Variants in ERMP1 observed in about 807,000 individuals in gnomAD.
ERMP1 encodes the protein Felix-ina.
In ERMP1, 86 loss-of-function variants were observed where a neutral mutation model predicts 92.0. The observed-to-expected ratio is 0.93, with a 90% confidence interval of 0.79 to 1.12. The LOEUF (loss-of-function observed/expected upper bound fraction) is 1.12. Ranked by LOEUF, ERMP1 falls within the 50% of genes most tolerant of loss-of-function variation. ERMP1 has a pLI of 0.00. For synonymous variants in ERMP1, 530 were observed against 412.8 expected (o/e 1.28, Z -3.44); for missense variants, 1,342 against 1,116.3 (o/e 1.20, Z -2.88).
intron 2 of ERMP1, among the ~76,000 whole-genome samples, chr9:5,829,562 A>G (rs1829861046): frequency 1.3e-5 from 2 of 152,222 alleles, no homozygotes; most frequent in African/African-American, 4.8e-5. Flanking sequence ...TTAATCCTCC[A>G]AGCAACACTA....
intron 13 of ERMP1, among the ~76,000 whole-genome samples, chr9:5,793,086 G>C (rs928470230): frequency 6.6e-6 from 1 of 152,104 alleles, no homozygotes; most frequent in Admixed American, 6.5e-5. Context: ...CTGCATATGT[G>C]CACACACGCT....
intron 9 of ERMP1, 71 bp from the exon 10 acceptor site, chr9:5,805,288 G>T: frequency 8.5e-7 from 1 of 1,172,846 alleles, no homozygotes; most frequent in Non-Finnish European, 1.2e-6. Context: ...TATAGTACTG[G>T]TGTGCCTTGG....
chr9:5,823,475 A>G (rs975746657), intron 4 of ERMP1, among the ~76,000 whole-genome samples: 4 of 152,188 alleles, frequency 2.6e-5, no homozygotes, highest in South Asian at 4.1e-4. Flanking sequence ...CACTACCTAT[A>G]TAACAATCCA....
chr9:5,807,029 A>G (rs540109724), intron 8 of ERMP1, among the ~76,000 whole-genome samples: 1 of 152,150 alleles, frequency 6.6e-6, no homozygotes, highest in Non-Finnish European at 1.5e-5. Flanking sequence ...AAATAAGAAA[A>G]TTATTATTAT....
intron 4 of ERMP1, among the ~76,000 whole-genome samples, chr9:5,821,728 G>A (rs1829543476): frequency 6.6e-6 from 1 of 152,188 alleles, no homozygotes; most frequent in Admixed American, 6.5e-5. Context: ...GAGCAGTATA[G>A]GGGCAAGGTG....
intron 6 of ERMP1, among the ~76,000 whole-genome samples, chr9:5,844,911 G>T (rs571117713): frequency 1.3e-5 from 2 of 152,150 alleles, no homozygotes; most frequent in Non-Finnish European, 2.9e-5. Flanking sequence ...AAAAATTATG[G>T]CTGCTTTGAG....
chr9:5,804,784 G>C (rs1457743073), intron 10 of ERMP1, among the ~76,000 whole-genome samples: 1 of 151,986 alleles, frequency 6.6e-6, no homozygotes, highest in African/African-American at 2.4e-5. Context: ...TATTTGAAAA[G>C]AGGTAAATCA....
rs949737900 is a variant in ERMP1 at position 5,805,598 on chromosome 9, A to C, written c.1723+13T>G. On this transcript the variant is annotated intron_variant, in intron 9 of 14. Transcript: ENST00000339450. The stretch of plus-strand genomic sequence containing the variant: ...GTATTCTCCCATGTATATCAAAATC[A>C]AAAATACCCTACCATGCTGCTTGAA... The C allele has an allele frequency of 6.4e-7, 1 of 1,551,044 alleles. No individual in the cohort carries two copies. The highest frequency in any genetic ancestry group is 8.6e-7 in the Non-Finnish European group (1 of 1,157,564).
At chr9:5,832,618 T>G (rs987907517) in intron 1 of ERMP1, 72 bp downstream of exon 1, 2 of 1,218,662 alleles carry the variant, frequency 1.6e-6, no homozygotes, top group Non-Finnish European at 1.1e-6. Flanking sequence ...TGCACACAGG[T>G]GCGGTGCCCC....
intron 11 of ERMP1, among the ~76,000 whole-genome samples, chr9:5,800,216 G>A (rs2131217229): frequency 6.6e-6 from 1 of 152,278 alleles, no homozygotes; most frequent in South Asian, 2.1e-4. Flanking sequence ...ATGAGAAAGG[G>A]ATGGGTATAA....
chr9:5,864,895 T>G (rs746823680), intron 5 of ERMP1, among the ~76,000 whole-genome samples: 20 of 152,302 alleles, frequency 1.3e-4, no homozygotes, highest in African/African-American at 3.8e-4. Flanking sequence ...ACACCTTTTC[T>G]GCAAGATAAC....
intron 1 of ERMP1, among the ~76,000 whole-genome samples, chr9:5,831,405 A>C (rs112595744): frequency 6.6e-6 from 1 of 152,172 alleles, no homozygotes; most frequent in Admixed American, 6.5e-5. Flanking sequence ...CAGGAGTTTG[A>C]GACCAGCCTG....
At position 5,786,906 on chromosome 9, in the gene ERMP1, C is replaced by G. The variant is rs1304272501; in HGVS notation, c.*238G>C. The G allele has an allele frequency of 8.0e-6, 3 of 373,520 alleles. No homozygotes were observed. Among genetic ancestry groups the G allele is most frequent in the Non-Finnish European group, 1.5e-5 (3 of 205,834 alleles). The allele number at this position is 373,520 out of a possible 1,614,324, so 23.1% of individuals were successfully genotyped here. On this transcript the variant is annotated 3_prime_UTR_variant, in exon 15 of 15. Coordinates refer to ENST00000339450, the MANE Select transcript of ERMP1 (RefSeq NM_024896.3). ...AAATGACGTGTGTGTAGTGGCAGTA[C>G]CCACATGTGCTGAAGTGCCAAAAGA...
At position 5,855,397 on chromosome 9, in the gene ERMP1, T is replaced by G. The variant is rs193021801; in HGVS notation, n.3199+4071A>C. On this transcript the variant is annotated intron_variant and non_coding_transcript_variant, in intron 6 of 6. Transcript: ENST00000690753. The stretch of plus-strand genomic sequence containing the variant: ...GGGAGAAAGCCTGGGCTAGAGCCCT[T>G]AGCATTCTCAGGCTTACTGGTGCTG... 2.9e-4 allele frequency among the ~76,000 whole-genome samples: 44 copies of G among 152,266 alleles called. No homozygotes were observed. In the East Asian group the frequency reaches 6.8e-3, roughly 23 times the overall value.
chr9:5,822,893 TATAA>T (rs1215964134), intron 4 of ERMP1, among the ~76,000 whole-genome samples: 4 of 152,200 alleles, frequency 2.6e-5, no homozygotes, highest in African/African-American at 7.2e-5. Flanking sequence ...AGCAGTAGGA[TATAA>T]ATAACTCCCA....
chr9:5,809,303 A>G (rs1160933689), intron 8 of ERMP1, among the ~76,000 whole-genome samples: 2 of 152,178 alleles, frequency 1.3e-5, no homozygotes, highest in Non-Finnish European at 2.9e-5. Flanking sequence ...TACAGGCGTG[A>G]GCCACCGCGC....
chr9:5,799,066 CCA>C, intron 11 of ERMP1, 58 bp from the exon 12 acceptor site: 1 of 1,234,680 alleles, frequency 8.1e-7, no homozygotes, highest in Non-Finnish European at 1.2e-6. Context: ...CATTCCCACC[CCA>C]GATTACAAAA....
intron 6 of ERMP1, 145 bp downstream of exon 6, chr9:5,811,980 C>T: frequency 1.9e-6 from 1 of 538,212 alleles, no homozygotes; most frequent in South Asian, 3.2e-5. Context: ...AATTCAAGAT[C>T]TCATCTCTCC....
chr9:5,790,360 C>A (rs913708500), intron 13 of ERMP1, among the ~76,000 whole-genome samples: 3 of 151,192 alleles, frequency 2.0e-5, no homozygotes, highest in Non-Finnish European at 4.4e-5. Flanking sequence ...ATAGAAGACA[C>A]CTCATAGAAA....
Sources: allele counts gnomAD v4.1 joint callset (sites outside exome capture counted in the v4.1 genomes callset), GRCh38; gene constraint gnomAD v4.1.1; transcripts MANE v1.5; gene names NCBI Gene and HGNC (gene_info 2026-07-23, HGNC 2026-07-21).